Variants in DSCAM observed in about 807,000 individuals in gnomAD.
DSCAM encodes cell adhesion molecule DSCAM.
Under a neutral mutation model 217.7 loss-of-function variants are expected in DSCAM, and 47 were observed. The ratio of observed to expected loss-of-function variants is 0.22; its 90% CI spans 0.17 to 0.28. The LOEUF is 0.28. Ranked by LOEUF, DSCAM falls within the 10% of genes least tolerant of loss-of-function variation. The pLI, the probability that DSCAM is intolerant of heterozygous loss-of-function variation, is 1.00. For synonymous variants in DSCAM, 1,056 were observed against 1,015.3 expected, an observed-to-expected ratio of 1.04 and a Z score of -0.76; for missense variants, 2,080 against 2,618.3, an observed-to-expected ratio of 0.79 and a Z score of 4.49.
chr21:40,129,112 C>T (rs896000440), intron 19 of DSCAM, among the ~76,000 whole-genome samples: 1 of 152,104 alleles, frequency 6.6e-6, no homozygotes, highest in Non-Finnish European at 1.5e-5. Flanking sequence ...TAAACAGCCA[C>T]AGGCAGGTGT....
At chr21:40,055,590 C>T in intron 29 of DSCAM, 135 bp downstream of exon 29, 1 of 655,774 alleles carries the variant, frequency 1.5e-6, no homozygotes, top group East Asian at 2.6e-5. Context: ...GAACAATTCT[C>T]TACCTTCTAG....
At chr21:40,462,548 C>A (rs538812393) in intron 3 of DSCAM, among the ~76,000 whole-genome samples, 2 of 152,144 alleles carry the variant, frequency 1.3e-5, no homozygotes, top group Non-Finnish European at 2.9e-5. Context: ...CACCCAAGAC[C>A]CATGGAATTA....
chr21:40,283,679 C>T (rs1468885198), intron 10 of DSCAM, among the ~76,000 whole-genome samples: 9 of 152,176 alleles, frequency 5.9e-5, no homozygotes, highest in Admixed American at 5.9e-4. Flanking sequence ...ACTACCCATG[C>T]CTTACAGCAA....
chr21:40,470,962 C>T (rs1215220686), intron 3 of DSCAM, among the ~76,000 whole-genome samples: 1 of 152,174 alleles, frequency 6.6e-6, no homozygotes, highest in Non-Finnish European at 1.5e-5. Context: ...TTTTGTCTAG[C>T]AATTTTCTTT....
At chr21:40,108,041 C>A (rs2146627021) in intron 20 of DSCAM, among the ~76,000 whole-genome samples, 2 of 152,230 alleles carry the variant, frequency 1.3e-5, no homozygotes, top group African/African-American at 4.8e-5. Context: ...TATGACAAAC[C>A]CACAGCCAAC....
intron 32 of DSCAM, among the ~76,000 whole-genome samples, chr21:40,039,162 T>A (rs940761043): frequency 6.9e-6 from 1 of 144,976 alleles, no homozygotes; most frequent in Non-Finnish European, 1.5e-5. Flanking sequence ...AAACTTAAAG[T>A]ATAATAATAA....
At chr21:40,316,280 T>G (rs2123504136) in intron 8 of DSCAM, among the ~76,000 whole-genome samples, 1 of 152,346 alleles carries the variant, frequency 6.6e-6, no homozygotes, top group Admixed American at 6.5e-5. Context: ...GTATGCACAT[T>G]ACATCATTGT....
intron 18 of DSCAM, among the ~76,000 whole-genome samples, chr21:40,134,759 TA>T (rs572235684): frequency 9.7e-4 from 148 of 152,192 alleles, no homozygotes; most frequent in Non-Finnish European, 7.2e-4. Flanking sequence ...ATGTCTGAAA[TA>T]TATGCAATTT....
chr21:40,553,098 C>T (rs543816825), intron 3 of DSCAM, among the ~76,000 whole-genome samples: 8 of 152,188 alleles, frequency 5.3e-5, no homozygotes, highest in Non-Finnish European at 1.0e-4. Context: ...AACCGTTTAA[C>T]AATCAGCTAG....
chr21:40,289,764 C>T (rs1986221082), intron 10 of DSCAM, among the ~76,000 whole-genome samples: 1 of 152,108 alleles, frequency 6.6e-6, no homozygotes, highest in Non-Finnish European at 1.5e-5. Flanking sequence ...GTTCAGTCAT[C>T]CCCTGGGGGT....
rs188652895 is a variant in DSCAM at position 40,165,124 on chromosome 21, C to T, written c.3018+2094G>A. 3.9e-5 allele frequency among the ~76,000 whole-genome samples: 6 copies of T among 152,288 alleles called. No homozygotes were observed. In the East Asian group the frequency reaches 5.8e-4, roughly 15 times the overall value. The stretch of plus-strand genomic sequence containing the variant: ...ACTTCCCACGACTGCATATGTCCAC[C>T]GTGGCTGACAGATGTGGGGCTCCCT... On this transcript the variant is annotated intron_variant, in intron 16 of 32. Transcript: ENST00000400454.
intron 3 of DSCAM, among the ~76,000 whole-genome samples, chr21:40,389,037 T>C (rs1189332374): frequency 2.0e-5 from 3 of 152,222 alleles, no homozygotes; most frequent in Non-Finnish European, 4.4e-5. Flanking sequence ...TAATTCAACA[T>C]GTATTTAATA....
Position 40,786,325 on chromosome 21 carries a change from G to A in DSCAM, c.43+60294C>T, listed in dbSNP as rs182865212. Among the ~76,000 whole-genome samples, 256 of 151,604 alleles carry A rather than the reference G, an allele frequency of 1.7e-3. 1 individual carries two copies. The highest frequency in any genetic ancestry group is 3.4e-3 in the Middle Eastern group (1 of 294). ...AAGAAAGAAAGAGGGAGAAAGAAAG[G>A]AAGAAAGGAAGAAAGAGAAAGAAAG... On this transcript the variant is annotated intron_variant, in intron 1 of 32. Transcript: ENST00000400454.
intron 1 of DSCAM, among the ~76,000 whole-genome samples, chr21:40,751,746 C>A (rs1238248006): frequency 6.6e-6 from 1 of 152,062 alleles, no homozygotes; most frequent in South Asian, 2.1e-4. Context: ...TTTTCAAGGA[C>A]ACTTTTCTAT....
At chr21:40,052,142 GT>G in intron 29 of DSCAM, 35 bp from the exon 30 acceptor site, 2 of 1,609,146 alleles carry the variant, frequency 1.2e-6, no homozygotes, top group African/African-American at 2.7e-5. Flanking sequence ...AGCCAAACAC[GT>G]TTATCTCCCT....
chr21:40,112,768 T>A (rs536496111), intron 20 of DSCAM, among the ~76,000 whole-genome samples: 1 of 152,192 alleles, frequency 6.6e-6, no homozygotes, highest in Non-Finnish European at 1.5e-5. Flanking sequence ...CAAACTACCA[T>A]CAGAGAATAC....
intron 3 of DSCAM, among the ~76,000 whole-genome samples, chr21:40,380,952 G>A (rs1473103160): frequency 3.3e-5 from 5 of 151,172 alleles, no homozygotes; most frequent in Middle Eastern, 3.4e-3. Flanking sequence ...AGTCCCAGCT[G>A]CTCGGGAGGC....
At chr21:40,566,559 C>T (rs2076766365) in intron 3 of DSCAM, among the ~76,000 whole-genome samples, 1 of 152,220 alleles carries the variant, frequency 6.6e-6, no homozygotes, top group Non-Finnish European at 1.5e-5. Flanking sequence ...TCATCATGCA[C>T]TGGATTTAGC....
At chr21:40,028,800 G>A (rs547430225) in intron 32 of DSCAM, among the ~76,000 whole-genome samples, 34 of 152,288 alleles carry the variant, frequency 2.2e-4, no homozygotes, top group South Asian at 1.2e-3. Context: ...CGTCTTCTGC[G>A]TCGCTCACGC....
Sources: gnomAD v4.1 joint callset for allele counts (sites outside exome capture counted in the v4.1 genomes callset) on GRCh38, gnomAD v4.1.1 for gene constraint, MANE v1.5 for transcripts, NCBI Gene and HGNC (gene_info 2026-07-23, HGNC 2026-07-21) for gene names.